The following ANKS1B variants were observed in gnomAD, a reference collection of about 807,000 sequenced individuals.
The protein encoded by ANKS1B is ankyrin repeat and sterile alpha motif domain-containing protein 1B.
A neutral mutation model predicts 148.3 loss-of-function variants in ANKS1B; 36 were observed. That is an observed-to-expected ratio of 0.24 (90% CI 0.19 to 0.32). The LOEUF is 0.32. ANKS1B is among the 10% of genes least tolerant of loss of function. The pLI, the probability that ANKS1B is intolerant of heterozygous loss-of-function variation, is 1.00. For synonymous variants in ANKS1B, 542 were observed against 560.8 expected (o/e 0.97, Z 0.47); for missense variants, 1,157 against 1,542.6 (o/e 0.75, Z 4.19).
intron 9 of ANKS1B, among the ~76,000 whole-genome samples, chr12:99,584,318 G>A (rs2097602318): frequency 6.6e-6 from 1 of 152,240 alleles, no homozygotes; most frequent in African/African-American, 2.4e-5. Flanking sequence ...ACATACTATA[G>A]GCCAGGCACC....
intron 17 of ANKS1B, among the ~76,000 whole-genome samples, chr12:98,948,025 G>A (rs111846288): frequency 6.6e-6 from 1 of 151,936 alleles, no homozygotes. Flanking sequence ...GATTATTCAT[G>A]TTTGTAATTA....
In ANKS1B at chr12:98,894,985, G is replaced by GGCGGCA. The variant is rs1297617035; in HGVS notation, c.2779-62855_2779-62850dup. On this transcript the variant is annotated intron_variant, in intron 17 of 26. Transcript: ENST00000683438. Reference sequence around the variant, plus strand: ...GCTCCACGCGGCGCGCGCCTGCCCTGGCGGCAGCGGCGGCGGCGGCGGCGC... The same window carrying GGCGGCA: ...GCTCCACGCGGCGCGCGCCTGCCCTGGCGGCAGCGGCAGCGGCGGCGGCGGCGGCGC... 12 of 784,674 alleles carry GGCGGCA rather than the reference G, an allele frequency of 1.5e-5. No individual in the cohort carries two copies. In the South Asian group the frequency reaches 1.7e-4, roughly 11 times the overall value. The allele number at this position is 784,674 out of a possible 1,614,324, so 48.6% of individuals were successfully genotyped here. A position where few individuals can be genotyped will look rare whatever the true frequency, so the allele number is the denominator to read the frequency against.
chr12:99,654,299 T>C (rs576754965), intron 9 of ANKS1B, among the ~76,000 whole-genome samples: 2 of 152,330 alleles, frequency 1.3e-5, no homozygotes, highest in South Asian at 2.1e-4. Flanking sequence ...GATGTAACAC[T>C]TTTCTGGATA....
At chr12:99,894,569 T>TA (rs2093312009) in intron 1 of ANKS1B, among the ~76,000 whole-genome samples, 1 of 139,162 alleles carries the variant, frequency 7.2e-6, no homozygotes, top group African/African-American at 2.5e-5. Context: ...TGGTTCAACT[T>TA]ACAATTTTTC....
chr12:99,697,126 T>C (rs10778006), intron 8 of ANKS1B, among the ~76,000 whole-genome samples: 25,703 of 152,146 alleles, frequency 0.17, 2,677 homozygotes, highest in East Asian at 0.46. Flanking sequence ...CATTCATTAC[T>C]GTGGAAGTGC....
intron 9 of ANKS1B, among the ~76,000 whole-genome samples, chr12:99,570,788 C>T (rs772096406): frequency 6.6e-6 from 1 of 151,732 alleles, no homozygotes; most frequent in Non-Finnish European, 1.5e-5. Flanking sequence ...TATTAATATA[C>T]TTTATAAAAG....
intron 11 of ANKS1B, among the ~76,000 whole-genome samples, chr12:99,422,545 C>T (rs192625324): frequency 9.9e-5 from 15 of 152,126 alleles, no homozygotes; most frequent in South Asian, 4.1e-4. Flanking sequence ...GCAGTGTGAG[C>T]GGGTTAAAAT....
intron 15 of ANKS1B, among the ~76,000 whole-genome samples, chr12:99,099,129 G>A (rs2057234631): frequency 6.6e-6 from 1 of 152,040 alleles, no homozygotes; most frequent in Admixed American, 6.5e-5. Flanking sequence ...CCTAGCAGGA[G>A]TCTGGGTGCC....
intron 9 of ANKS1B, among the ~76,000 whole-genome samples, chr12:99,635,941 T>C (rs2098230856): frequency 6.6e-6 from 1 of 151,778 alleles, no homozygotes. Flanking sequence ...ACGAAGAAAA[T>C]AAGGTAAAAT....
intron 10 of ANKS1B, among the ~76,000 whole-genome samples, chr12:99,465,310 A>T (rs9707227): frequency 0.048 from 7,352 of 152,266 alleles, 613 homozygotes; most frequent in African/African-American, 0.17. Flanking sequence ...CATGGAAAGG[A>T]ACAACCAGTA....
chr12:99,877,514 T>C (rs901827740), intron 1 of ANKS1B, among the ~76,000 whole-genome samples: 3 of 152,212 alleles, frequency 2.0e-5, no homozygotes, highest in Non-Finnish European at 4.4e-5. Flanking sequence ...CTCACTTTGA[T>C]AGAACCCACA....
intron 8 of ANKS1B, among the ~76,000 whole-genome samples, chr12:99,717,704 G>A (rs113377047): frequency 3.3e-5 from 5 of 151,888 alleles, no homozygotes; most frequent in African/African-American, 1.2e-4. Flanking sequence ...AGACCATCAC[G>A]GACGCCGAGC....
At chr12:99,056,930 C>T (rs966056381) in intron 16 of ANKS1B, among the ~76,000 whole-genome samples, 1 of 152,272 alleles carries the variant, frequency 6.6e-6, no homozygotes, top group Admixed American at 6.5e-5. Flanking sequence ...AATTTAACTC[C>T]TTTAGTTCAA....
intron 8 of ANKS1B, among the ~76,000 whole-genome samples, chr12:99,759,288 A>G (rs562932773): frequency 5.3e-5 from 8 of 152,058 alleles, no homozygotes; most frequent in African/African-American, 1.9e-4. Flanking sequence ...AGTTTTAAAA[A>G]TCTAAGCCTG....
chr12:98,873,500 A>G (rs1372235480), intron 17 of ANKS1B, among the ~76,000 whole-genome samples: 1 of 152,232 alleles, frequency 6.6e-6, no homozygotes, highest in Non-Finnish European at 1.5e-5. Context: ...CTGCAAAAAG[A>G]AAAGTGTCTA....
At chr12:99,911,943 A>G (rs952379037) in intron 1 of ANKS1B, among the ~76,000 whole-genome samples, 3 of 152,254 alleles carry the variant, frequency 2.0e-5, no homozygotes, top group Non-Finnish European at 4.4e-5. Context: ...AGATATATAA[A>G]TGGCAATAAA....
chr12:99,623,789 T>G (rs1434241258), intron 9 of ANKS1B, among the ~76,000 whole-genome samples: 1 of 152,118 alleles, frequency 6.6e-6, no homozygotes, highest in Non-Finnish European at 1.5e-5. Flanking sequence ...TCCACGCTCA[T>G]GGATTGGAAG....
At chr12:99,181,608 TG>T (rs2079118508) in intron 14 of ANKS1B, among the ~76,000 whole-genome samples, 1 of 152,068 alleles carries the variant, frequency 6.6e-6, no homozygotes, top group African/African-American at 2.4e-5. Context: ...ATTTTGTGAG[TG>T]GGAAAAACAT....
At chr12:99,476,120 C>T (rs761076536) in intron 10 of ANKS1B, among the ~76,000 whole-genome samples, 5 of 152,084 alleles carry the variant, frequency 3.3e-5, no homozygotes, top group African/African-American at 1.2e-4. Flanking sequence ...AGGCCAGGTG[C>T]GGCAGTTCAC....
Sources: gnomAD v4.1 joint callset for allele counts (sites outside exome capture counted in the v4.1 genomes callset) on GRCh38, gnomAD v4.1.1 for gene constraint, MANE v1.5 for transcripts, NCBI Gene and HGNC (gene_info 2026-07-23, HGNC 2026-07-21) for gene names.